Variants in KANSL1 observed in about 807,000 individuals in gnomAD.
KANSL1 encodes KAT8 regulatory NSL complex subunit 1, also known as MLL1/MLL complex subunit KANSL1.
In KANSL1, 22 loss-of-function variants were observed where a neutral mutation model predicts 103.6. The ratio of observed to expected loss-of-function variants is 0.21; its 90% CI spans 0.15 to 0.30. The LOEUF (loss-of-function observed/expected upper bound fraction) is 0.30. Among genes scored for constraint, KANSL1 ranks in the 10% least tolerant of loss-of-function variants. The pLI is 1.00. For synonymous variants in KANSL1, 600 were observed against 527.6 expected, an observed-to-expected ratio of 1.14 and a Z score of -1.88; for missense variants, 1,337 against 1,399.8, an observed-to-expected ratio of 0.96 and a Z score of 0.72.
At chr17:46,191,767 C>T (rs1051196798) in intron 1 of KANSL1, among the ~76,000 whole-genome samples, 1 of 152,126 alleles carries the variant, frequency 6.6e-6, no homozygotes, top group Non-Finnish European at 1.5e-5. Flanking sequence ...AACAAAAAAA[C>T]ACAATGATTG....
chr17:46,164,984 G>A (rs188928628), intron 2 of KANSL1, among the ~76,000 whole-genome samples: 33 of 152,288 alleles, frequency 2.2e-4, no homozygotes, highest in African/African-American at 7.2e-4. Context: ...GTGCATGCCT[G>A]TAGTCCCAGT....
chr17:46,177,980 T>C (rs957887083), intron 1 of KANSL1, among the ~76,000 whole-genome samples: 8 of 152,118 alleles, frequency 5.3e-5, no homozygotes, highest in Non-Finnish European at 1.0e-4. Context: ...GGTTTCACCA[T>C]GTTAGCCAGG....
At chr17:46,119,473 A>AT (rs1178204081) in intron 2 of KANSL1, among the ~76,000 whole-genome samples, 1 of 151,948 alleles carries the variant, frequency 6.6e-6, no homozygotes, top group South Asian at 2.1e-4. Flanking sequence ...CGTCCAGCTA[A>AT]TTTTTGTATT....
upstream of KANSL1, chr17:46,196,496 A>G (rs2047614791): frequency 2.2e-6 from 1 of 453,888 alleles, no homozygotes; most frequent in Admixed American, 2.4e-5. Flanking sequence ...TGACACCTCA[A>G]ACTGCTACAG....
intron 1 of KANSL1, among the ~76,000 whole-genome samples, chr17:46,174,352 T>C (rs571673555): frequency 6.6e-6 from 1 of 152,230 alleles, no homozygotes; most frequent in Admixed American, 6.5e-5. Context: ...GCCTGGCTAA[T>C]TTTTGTATTT....
At chr17:46,131,992 C>T (rs1330134527) in intron 2 of KANSL1, among the ~76,000 whole-genome samples, 10 of 151,974 alleles carry the variant, frequency 6.6e-5, no homozygotes, top group Admixed American at 2.0e-4. Context: ...CTGGGCATGA[C>T]GGCGCGTGCC....
chr17:46,051,110 A>G (rs1474104352), intron 6 of KANSL1, among the ~76,000 whole-genome samples: 2 of 152,190 alleles, frequency 1.3e-5, no homozygotes, highest in African/African-American at 4.8e-5. Flanking sequence ...CAGGTGGGAC[A>G]TTACTTGCTT....
chr17:46,092,070 T>C (rs565656744), intron 3 of KANSL1, among the ~76,000 whole-genome samples: 6 of 152,286 alleles, frequency 3.9e-5, no homozygotes, highest in African/African-American at 1.4e-4. Context: ...CCCACCCACC[T>C]TGGACTCCCA....
In KANSL1 at chr17:46,085,133, C is replaced by T. The variant is rs138990150; in HGVS notation, c.1432-2591G>A. Among the ~76,000 whole-genome samples, 964 of 152,232 alleles carry T rather than the reference C, an allele frequency of 6.3e-3. 6 individuals are homozygous for T. Among genetic ancestry groups the T allele is most frequent in the Non-Finnish European group, 8.0e-3 (543 of 68,034 alleles). On this transcript the variant is annotated intron_variant, in intron 3 of 14. Coordinates refer to ENST00000432791, the MANE Select transcript of KANSL1 (RefSeq NM_015443.4). Reference sequence around the variant, plus strand: ...TAGTGTTATACCAATCTCATCATCTCCTAGACAAATGTTTCAATGAATGTG... The same window carrying T: ...TAGTGTTATACCAATCTCATCATCTTCTAGACAAATGTTTCAATGAATGTG...
chr17:46,211,680 T>C lies in KANSL1; in HGVS notation c.-90+11991A>G, dbSNP rs140912760. On this transcript the variant is annotated intron_variant, in intron 1 of 14. Coordinates refer to the KANSL1 transcript ENST00000572904. ...AAATTAAAAAGTCAAGCATCTTCAG[T>C]TGAGAAACATGAAAGCAAAGGGGCA... 5.1e-3 allele frequency among the ~76,000 whole-genome samples: 779 copies of C among 152,348 alleles called. 2 individuals carry two copies. The highest frequency in any genetic ancestry group is 7.0e-3 in the Non-Finnish European group (475 of 68,028).
chr17:46,201,056 C>T (rs565994187), intron 1 of KANSL1, among the ~76,000 whole-genome samples: 44 of 152,166 alleles, frequency 2.9e-4, no homozygotes, highest in South Asian at 1.0e-3. Flanking sequence ...GGACTACAGG[C>T]GCGTACCACC....
At chr17:46,053,925 A>ATT (rs2077820587) in intron 6 of KANSL1, among the ~76,000 whole-genome samples, 1 of 152,054 alleles carries the variant, frequency 6.6e-6, no homozygotes, top group South Asian at 2.1e-4. Context: ...AAGTTAAAAA[A>ATT]CAACAAGAAC....
At chr17:46,077,125 C>T (rs965582600) in intron 4 of KANSL1, among the ~76,000 whole-genome samples, 7 of 152,200 alleles carry the variant, frequency 4.6e-5, no homozygotes, top group Non-Finnish European at 8.8e-5. Flanking sequence ...GATCTCAGCT[C>T]AGTGCAACCT....
chr17:46,039,672 T>C, intron 8 of KANSL1, 30 bp downstream of exon 8: 4 of 1,601,228 alleles, frequency 2.5e-6, no homozygotes, highest in Non-Finnish European at 3.4e-6. Context: ...ACTGATACTC[T>C]GGGGGACTTC....
chr17:46,126,175 G>A (rs574025499), intron 2 of KANSL1, among the ~76,000 whole-genome samples: 6 of 152,222 alleles, frequency 3.9e-5, no homozygotes, highest in South Asian at 2.1e-4. Context: ...AAAGTCGGCC[G>A]GGCACAGTGT....
chr17:46,087,928 T>C (rs995427881), intron 3 of KANSL1, among the ~76,000 whole-genome samples: 7 of 152,248 alleles, frequency 4.6e-5, no homozygotes, highest in African/African-American at 1.7e-4. Flanking sequence ...TTCCCTAACA[T>C]TCCAGGTTTA....
chr17:46,178,227 A>G (rs117879023), intron 1 of KANSL1, among the ~76,000 whole-genome samples: 76 of 152,352 alleles, frequency 5.0e-4, no homozygotes, highest in Middle Eastern at 3.4e-3. Flanking sequence ...GCTCAGGGCT[A>G]AAGGAAAAAA....
At chr17:46,213,917 A>T (rs1467914677) in intron 1 of KANSL1, among the ~76,000 whole-genome samples, 1 of 108,156 alleles carries the variant, frequency 9.2e-6, no homozygotes, top group Non-Finnish European at 2.4e-5. Context: ...GACTCCATTT[A>T]AAAAAAAAAA....
upstream of KANSL1, chr17:46,196,684 G>A (rs2047621330): frequency 1.1e-5 from 3 of 273,424 alleles, no homozygotes; most frequent in Admixed American, 4.9e-5. Flanking sequence ...AAGCCAATTT[G>A]AGTTAGGTTC....
Sources: gnomAD v4.1 joint callset for allele counts (sites outside exome capture counted in the v4.1 genomes callset) on GRCh38, gnomAD v4.1.1 for gene constraint, MANE v1.5 for transcripts, NCBI Gene and HGNC (gene_info 2026-07-23, HGNC 2026-07-21) for gene names.